Variants in DNAH17 observed in about 807,000 individuals in gnomAD.
DNAH17 encodes the protein axonemal beta dynein heavy chain 17.
Under a neutral mutation model 485.6 loss-of-function variants are expected in DNAH17, and 376 were observed. That is an observed-to-expected ratio of 0.77 (90% confidence interval 0.71 to 0.84). The LOEUF (loss-of-function observed/expected upper bound fraction) is 0.84, where lower values mean the gene tolerates loss of function less well. Among genes scored for constraint, DNAH17 ranks in the 40% least tolerant of loss-of-function variants. The pLI is 0.00. For synonymous variants in DNAH17, 3,031 were observed against 2,405.9 expected, an observed-to-expected ratio of 1.26 and a Z score of -7.60; for missense variants, 6,370 against 5,839.3, an observed-to-expected ratio of 1.09 and a Z score of -2.96.
At chr17:78,529,982 G>A (rs2091186238) in intron 21 of DNAH17, among the ~76,000 whole-genome samples, 2 of 152,214 alleles carry the variant, frequency 1.3e-5, no homozygotes, top group African/African-American at 4.8e-5. Flanking sequence ...AATTCAGCCA[G>A]GCAATGCTCT....
chr17:78,436,545 C>T (rs1337209656), intron 74 of DNAH17, among the ~76,000 whole-genome samples: 3 of 151,836 alleles, frequency 2.0e-5, no homozygotes, highest in African/African-American at 4.8e-5. Context: ...GGAGAAATAT[C>T]GACATGAGGA....
intron 22 of DNAH17, among the ~76,000 whole-genome samples, chr17:78,528,950 A>T (rs1410415489): frequency 8.5e-5 from 12 of 140,650 alleles, no homozygotes; most frequent in Admixed American, 4.9e-4. Context: ...GGCATTTTGT[A>T]TTTTTTTTTT....
At chr17:78,457,373 C>CCAAAA (rs535659431) in intron 62 of DNAH17, among the ~76,000 whole-genome samples, 51 of 151,792 alleles carry the variant, frequency 3.4e-4, no homozygotes, top group Admixed American at 4.6e-4. Flanking sequence ...TCCCCTGTCT[C>CCAAAA]CAAAACAAAA....
chr17:78,570,216 G>A, intron 7 of DNAH17, 31 bp downstream of exon 7: 1 of 1,558,048 alleles, frequency 6.4e-7, no homozygotes, highest in Non-Finnish European at 8.7e-7. Context: ...AGGAGGGGAG[G>A]AAGGGGACCC....
intron 54 of DNAH17, among the ~76,000 whole-genome samples, chr17:78,470,969 G>A (rs145225770): frequency 3.2e-4 from 49 of 152,262 alleles, no homozygotes; most frequent in Non-Finnish European, 6.8e-4. Flanking sequence ...GGAATAGCTC[G>A]TTATTTTTGA....
At chr17:78,551,260 C>T (rs2091895150) in intron 16 of DNAH17, among the ~76,000 whole-genome samples, 2 of 152,200 alleles carry the variant, frequency 1.3e-5, no homozygotes, top group South Asian at 4.1e-4. Context: ...CTTGGCAGAT[C>T]TCTTTCCACC....
intron 25 of DNAH17, among the ~76,000 whole-genome samples, chr17:78,517,124 C>A (rs554302161): frequency 6.6e-6 from 1 of 152,338 alleles, no homozygotes; most frequent in South Asian, 2.1e-4. Context: ...CTCACTGCAA[C>A]CTCCACCTCC....
intron 9 of DNAH17, among the ~76,000 whole-genome samples, chr17:78,567,608 C>T (rs1186085621): frequency 2.6e-5 from 4 of 152,144 alleles, no homozygotes; most frequent in Non-Finnish European, 4.4e-5. Context: ...TGCAGAGTGC[C>T]GTGTCCCGAA....
At chr17:78,466,965 T>G in intron 55 of DNAH17, 149 bp from the exon 56 acceptor site, 1 of 744,378 alleles carries the variant, frequency 1.3e-6, no homozygotes, top group Non-Finnish European at 2.0e-6. Context: ...GGTTCTGGGT[T>G]TGAAGGGCGG....
chr17:78,545,767 T>C (rs2091743854), intron 16 of DNAH17, among the ~76,000 whole-genome samples: 1 of 152,196 alleles, frequency 6.6e-6, no homozygotes, highest in African/African-American at 2.4e-5. Flanking sequence ...TAGCTTTTGC[T>C]TTTATTTATA....
At chr17:78,505,747 G>A (rs2090465433) in intron 30 of DNAH17, among the ~76,000 whole-genome samples, 1 of 152,180 alleles carries the variant, frequency 6.6e-6, no homozygotes, top group South Asian at 2.1e-4. Flanking sequence ...GGGAGGCCGA[G>A]GCAGGTGGAT....
chr17:78,567,599 G>A (rs1360867319), intron 9 of DNAH17, among the ~76,000 whole-genome samples: 1 of 152,158 alleles, frequency 6.6e-6, no homozygotes, highest in African/African-American at 2.4e-5. Flanking sequence ...ACCATCCTAT[G>A]CAGAGTGCCG....
In DNAH17 at chr17:78,428,701, G is replaced by A. The variant is rs767301191; in HGVS notation, c.12412C>T (p.His4138Tyr). The A allele has an allele frequency of 3.7e-6, 6 of 1,613,270 alleles. No homozygotes were observed. The Admixed American group carries it at 8.3e-5, about 22-fold the overall frequency. Residue 4138 changes from histidine (H) to tyrosine (Y), a missense_variant, in exon 77 of 81, where the codon CAC becomes TAC. Transcript: ENST00000389840. ...IPPNLDYKGYHEYIDENLPPE... is the reference protein window; with the variant it reads ...IPPNLDYKGYYEYIDENLPPE... The stretch of plus-strand genomic sequence containing the variant: ...GGCAGGTTCTCATCGATGTATTCGT[G>A]GTAACCCTGAAAAAGAGGGCAGTTT...
intron 16 of DNAH17, among the ~76,000 whole-genome samples, chr17:78,545,301 G>T (rs568321418): frequency 2.6e-4 from 40 of 152,270 alleles, no homozygotes; most frequent in Admixed American, 1.3e-3. Flanking sequence ...TTGCTTCATG[G>T]TCAGAAAAAC....
intron 22 of DNAH17, among the ~76,000 whole-genome samples, chr17:78,528,664 C>A (rs932865582): frequency 1.3e-5 from 2 of 152,042 alleles, no homozygotes; most frequent in African/African-American, 4.8e-5. Context: ...GGGGTCTCCT[C>A]GGTGGCCACA....
At chr17:78,472,796 C>A in intron 54 of DNAH17, 1 of 452,112 alleles carries the variant, frequency 2.2e-6, no homozygotes, top group Non-Finnish European at 4.5e-6. Context: ...CCACTTTCAG[C>A]CTTTGTGGGG....
At chr17:78,488,816 G>T (rs2089723887) in intron 44 of DNAH17, among the ~76,000 whole-genome samples, 1 of 152,140 alleles carries the variant, frequency 6.6e-6, no homozygotes, top group South Asian at 2.1e-4. Context: ...GACATACAGA[G>T]AAGGCCACGT....
chr17:78,477,977 A>C (rs2089124423), intron 51 of DNAH17, among the ~76,000 whole-genome samples: 1 of 141,492 alleles, frequency 7.1e-6, no homozygotes, highest in African/African-American at 3.0e-5. Flanking sequence ...CACCACCATC[A>C]TCATCACCAC....
In DNAH17 at chr17:78,507,592, A is replaced by C; in HGVS notation, c.4450T>G (p.Ser1484Ala). The C allele has an allele frequency of 6.2e-7, 1 of 1,614,138 alleles. No homozygotes were observed. The highest frequency in any genetic ancestry group is 1.1e-5 in the South Asian group (1 of 91,084). The change falls in exon 28 of 81, where the codon TCC becomes GCC. Residue 1484 changes from serine (S) to alanine (A), a missense_variant. By Grantham distance (99) the Ser-to-Ala change is moderately conservative. Coordinates refer to ENST00000389840, the MANE Select transcript of DNAH17 (RefSeq NM_173628.4). ...SWQQKLSTAD[S>A]VISIWFEVQR... The stretch of plus-strand genomic sequence containing the variant: ...ACCTCAAACCAGATGGAGATGACGG[A>C]GTCCGCCGTGGACAGCTTCTGCTGC...
Sources: gnomAD v4.1 joint callset for allele counts (sites outside exome capture counted in the v4.1 genomes callset) on GRCh38, gnomAD v4.1.1 for gene constraint, MANE v1.5 for transcripts, NCBI Gene and HGNC (gene_info 2026-07-23, HGNC 2026-07-21) for gene names.